PDCD10: variants seen among roughly 807,000 people sequenced by gnomAD.
The protein encoded by PDCD10 is programmed cell death 10.
PDCD10 carries 4 observed loss-of-function variants against 29.2 expected under a neutral mutation model. That is an observed-to-expected ratio of 0.14 (90% CI 0.07 to 0.31). The LOEUF (loss-of-function observed/expected upper bound fraction) is 0.31. Among genes scored for constraint, PDCD10 ranks in the 10% least tolerant of loss-of-function variants. PDCD10 has a pLI of 1.00. For missense variants in PDCD10, 183 were observed against 257.9 expected (o/e 0.71, Z 1.99); for synonymous variants, 70 against 82.2 (o/e 0.85, Z 0.80).
intron 6 of PDCD10, among the ~76,000 whole-genome samples, chr3:167,693,724 C>G (rs1299131087): frequency 6.6e-6 from 1 of 151,668 alleles, no homozygotes; most frequent in Non-Finnish European, 1.5e-5. Context: ...AGGAGGATCA[C>G]TTGAGCTCAG....
chr3:167,707,963 CT>C (rs1021384057), intron 3 of PDCD10, among the ~76,000 whole-genome samples: 2 of 152,064 alleles, frequency 1.3e-5, no homozygotes, highest in African/African-American at 2.4e-5. Flanking sequence ...GGAAAAGTGC[CT>C]CCTGAAGCAC....
At chr3:167,724,343 C>A (rs536203969) in intron 2 of PDCD10, among the ~76,000 whole-genome samples, 37 of 152,280 alleles carry the variant, frequency 2.4e-4, no homozygotes, top group Admixed American at 5.9e-4. Context: ...GTACTCAGCC[C>A]TCTTGGCCCT....
intron 4 of PDCD10, among the ~76,000 whole-genome samples, chr3:167,704,194 T>C (rs1313982947): frequency 6.6e-6 from 1 of 152,216 alleles, no homozygotes; most frequent in Non-Finnish European, 1.5e-5. Context: ...ATAGAAAGAA[T>C]ACCTTTTCAA....
intron 3 of PDCD10, among the ~76,000 whole-genome samples, chr3:167,712,173 T>C (rs780453209): frequency 6.6e-6 from 1 of 151,974 alleles, no homozygotes; most frequent in Admixed American, 6.6e-5. Flanking sequence ...TAATGATGAA[T>C]CAATCAAAAA....
At chr3:167,691,512 C>T (rs1720228941) in intron 6 of PDCD10, among the ~76,000 whole-genome samples, 1 of 152,128 alleles carries the variant, frequency 6.6e-6, no homozygotes, top group African/African-American at 2.4e-5. Flanking sequence ...CTAAAATGTG[C>T]TGCTAATAAT....
rs1451005142 is a variant in PDCD10 at position 167,685,389 on chromosome 3, C to CT, written c.558-1001dup. ...CCAGCCTGGGCAACATAGCAAGACTCTGTCTCCAAAAAAAAAAAAAAAAAA... is the reference window on the plus strand; with the variant it reads ...CCAGCCTGGGCAACATAGCAAGACTCTTGTCTCCAAAAAAAAAAAAAAAAAA... On this transcript the variant is annotated intron_variant, in intron 8 of 8. Coordinates refer to ENST00000392750, the MANE Select transcript of PDCD10 (RefSeq NM_007217.4). Among the ~76,000 whole-genome samples, 3 of 115,978 alleles carry CT rather than the reference C, an allele frequency of 2.6e-5. No individual in the cohort carries two copies. The East Asian group carries it at 7.9e-4, about 31-fold the overall frequency. 76.1% of individuals were successfully genotyped at this position (115,978 alleles called of 152,430 possible).
intron 3 of PDCD10, among the ~76,000 whole-genome samples, chr3:167,714,022 A>C (rs1484423814): frequency 6.6e-6 from 1 of 152,088 alleles, no homozygotes; most frequent in African/African-American, 2.4e-5. Flanking sequence ...AAAATAGAGG[A>C]GGCGGGAATA....
rs114609563 is a variant in PDCD10 at position 167,727,528 on chromosome 3, G to A, written c.-117+6686C>T. ...TTCATGAATAATGCCTAGTTGAATA[G>A]TTGTTTGGTGTTTAATTGAGGTACA... On this transcript the variant is annotated intron_variant, in intron 2 of 8. Transcript: ENST00000392750. 1.8e-3 allele frequency among the ~76,000 whole-genome samples: 272 copies of A among 152,234 alleles called. 2 individuals carry two copies. Among genetic ancestry groups the A allele is most frequent in the African/African-American group, 6.2e-3 (257 of 41,510 alleles).
Position 167,695,669 on chromosome 3 carries a change from G to T in PDCD10, c.322C>A (p.Arg108=). ...PEFQDLNEKA[R]ALKQILSKIP... ...TTACTGAGAATTTGTTTAAGTGCTCGTGCCTTTTCGTTTAGGTCTTGGAAT... is the reference window on the plus strand; with the variant it reads ...TTACTGAGAATTTGTTTAAGTGCTCTTGCCTTTTCGTTTAGGTCTTGGAAT... Residue 108 remains arginine, a synonymous_variant, in exon 6 of 9, where the codon CGA becomes AGA. Coordinates refer to ENST00000392750, the MANE Select transcript of PDCD10 (RefSeq NM_007217.4). The T allele has an allele frequency of 6.2e-7, 1 of 1,612,538 alleles. No homozygotes were observed. The highest frequency in any genetic ancestry group is 1.6e-4 in the Middle Eastern group (1 of 6,062).
chr3:167,724,105 C>T (rs1022920605), intron 2 of PDCD10, among the ~76,000 whole-genome samples: 2 of 152,128 alleles, frequency 1.3e-5, no homozygotes, highest in African/African-American at 4.8e-5. Context: ...TCTCAGGGCT[C>T]AGAATCAGTA....
intron 3 of PDCD10, among the ~76,000 whole-genome samples, chr3:167,709,474 T>C (rs542944289): frequency 6.6e-6 from 1 of 152,180 alleles, no homozygotes; most frequent in Admixed American, 6.5e-5. Flanking sequence ...AACTTAGTGC[T>C]GATCAATCAC....
intron 3 of PDCD10, among the ~76,000 whole-genome samples, chr3:167,709,778 C>G (rs1722346406): frequency 7.4e-6 from 1 of 135,396 alleles, no homozygotes; most frequent in South Asian, 2.6e-4. Context: ...TGTGTCACTC[C>G]TCCCCCAGTC....
chr3:167,704,834 C>T lies in PDCD10; in HGVS notation c.150+8G>A. ...TTTAATAATCATAGTAAATTATTTGCACCTCACCTTGATGAAAGCGGCTCT... is the reference window on the plus strand; with the variant it reads ...TTTAATAATCATAGTAAATTATTTGTACCTCACCTTGATGAAAGCGGCTCT... On this transcript the variant is annotated splice_region_variant and intron_variant, in intron 4 of 8. Transcript: ENST00000392750. The T allele has an allele frequency of 2.6e-6, 4 of 1,566,168 alleles. No homozygotes were observed. The highest frequency in any genetic ancestry group is 2.2e-5 in the East Asian group (1 of 44,600).
intron 6 of PDCD10, among the ~76,000 whole-genome samples, chr3:167,692,951 A>C (rs1461063101): frequency 6.6e-6 from 1 of 152,126 alleles, no homozygotes; most frequent in Non-Finnish European, 1.5e-5. Context: ...CAAACAAAAA[A>C]ACCCTTAGTG....
intron 4 of PDCD10, among the ~76,000 whole-genome samples, chr3:167,699,843 T>C (rs1238934969): frequency 1.3e-5 from 2 of 152,072 alleles, no homozygotes; most frequent in Non-Finnish European, 2.9e-5. Flanking sequence ...TCAATAAATA[T>C]ATAGGAAAAA....
At chr3:167,697,521 T>G (rs1720936484) in intron 4 of PDCD10, among the ~76,000 whole-genome samples, 1 of 152,118 alleles carries the variant, frequency 6.6e-6, no homozygotes, top group Non-Finnish European at 1.5e-5. Context: ...AACTCAAGGA[T>G]CAAGCAATAA....
chr3:167,726,151 C>T (rs9814145), intron 2 of PDCD10, among the ~76,000 whole-genome samples: 36,346 of 112,176 alleles, frequency 0.32, 5,583 homozygotes, highest in African/African-American at 0.45. Context: ...GACAGAGTTT[C>T]ACTCTGTCAC....
intron 2 of PDCD10, among the ~76,000 whole-genome samples, chr3:167,727,245 A>G (rs1724283648): frequency 6.6e-6 from 1 of 152,250 alleles, no homozygotes; most frequent in African/African-American, 2.4e-5. Context: ...TCATTACCTC[A>G]GAATTAGCTG....
At chr3:167,697,895 T>C (rs1720973415) in intron 4 of PDCD10, 1 of 456,076 alleles carries the variant, frequency 2.2e-6, no homozygotes, top group Non-Finnish European at 4.4e-6. Flanking sequence ...CCCAGTAAAT[T>C]CTGTAATCAC....
Sources: gnomAD v4.1 joint callset for allele counts (sites outside exome capture counted in the v4.1 genomes callset) on GRCh38, gnomAD v4.1.1 for gene constraint, MANE v1.5 for transcripts, NCBI Gene and HGNC (gene_info 2026-07-23, HGNC 2026-07-21) for gene names.